Variants in TMTC1 observed in about 807,000 individuals in gnomAD.
TMTC1 encodes the protein protein O-mannosyl-transferase TMTC1.
TMTC1 carries 73 observed loss-of-function variants against 104.8 expected under a neutral mutation model. That is an observed-to-expected ratio of 0.70 (90% CI 0.58 to 0.85). TMTC1 has a LOEUF of 0.85. TMTC1 is among the 40% of genes least tolerant of loss of function. The pLI, the probability that TMTC1 is intolerant of heterozygous loss-of-function variation, is 0.00. For missense variants in TMTC1, 1,035 were observed against 1,096.1 expected, an observed-to-expected ratio of 0.94 and a Z score of 0.79; for synonymous variants, 434 against 428.7, an observed-to-expected ratio of 1.01 and a Z score of -0.15.
At chr12:29,603,502 A>G (rs1946620682) in intron 7 of TMTC1, among the ~76,000 whole-genome samples, 1 of 152,138 alleles carries the variant, frequency 6.6e-6, no homozygotes, top group African/African-American at 2.4e-5. Flanking sequence ...TGTCTTGTTC[A>G]AGGTCAGTCA....
At chr12:29,757,446 A>G (rs1943241146) in intron 3 of TMTC1, among the ~76,000 whole-genome samples, 1 of 152,200 alleles carries the variant, frequency 6.6e-6, no homozygotes, top group African/African-American at 2.4e-5. Flanking sequence ...TCCTGCAGGT[A>G]GAGGAGGTAG....
chr12:29,597,661 T>A (rs1243781046), intron 7 of TMTC1, among the ~76,000 whole-genome samples: 3 of 149,654 alleles, frequency 2.0e-5, no homozygotes, highest in Non-Finnish European at 4.4e-5. Context: ...AAGCTTAAAG[T>A]TTAAGAGGAA....
chr12:29,616,952 C>T (rs1946997081), intron 6 of TMTC1, among the ~76,000 whole-genome samples: 1 of 152,066 alleles, frequency 6.6e-6, no homozygotes, highest in African/African-American at 2.4e-5. Context: ...CCTGGGTCGT[C>T]TTATAACTTT....
At chr12:29,639,862 C>A (rs565285714) in intron 5 of TMTC1, among the ~76,000 whole-genome samples, 4 of 152,164 alleles carry the variant, frequency 2.6e-5, no homozygotes, top group African/African-American at 9.6e-5. Context: ...ACAGAAGACA[C>A]AAAAGAAAAG....
intron 2 of TMTC1, among the ~76,000 whole-genome samples, chr12:29,766,354 A>C (rs1206083558): frequency 6.6e-6 from 1 of 152,210 alleles, no homozygotes. Context: ...GTGTCCATTC[A>C]AATAAACATA....
intron 6 of TMTC1, among the ~76,000 whole-genome samples, chr12:29,612,695 A>G (rs1036880174): frequency 7.9e-5 from 12 of 152,172 alleles, no homozygotes; most frequent in Non-Finnish European, 1.8e-4. Flanking sequence ...GATTACAGGC[A>G]TGAGCCACTG....
chr12:29,642,438 C>T (rs1938894475), intron 5 of TMTC1, among the ~76,000 whole-genome samples: 1 of 152,144 alleles, frequency 6.6e-6, no homozygotes, highest in African/African-American at 2.4e-5. Context: ...GCCTTATCTT[C>T]AGCCTCCTCA....
chr12:29,538,239 G>A (rs1944698896), intron 10 of TMTC1, among the ~76,000 whole-genome samples: 1 of 152,174 alleles, frequency 6.6e-6, no homozygotes, highest in Admixed American at 6.5e-5. Context: ...AAGACTCCAT[G>A]ACTTCCATAC....
chr12:29,716,856 A>G (rs1031698437), intron 5 of TMTC1, among the ~76,000 whole-genome samples: 1 of 152,134 alleles, frequency 6.6e-6, no homozygotes, highest in Non-Finnish European at 1.5e-5. Flanking sequence ...TCTACTAAAA[A>G]TACAAAAACT....
chr12:29,728,427 G>C (rs1942458733), intron 5 of TMTC1, among the ~76,000 whole-genome samples: 1 of 152,136 alleles, frequency 6.6e-6, no homozygotes, highest in African/African-American at 2.4e-5. Context: ...CCACATGTGG[G>C]AAGCCAGGGA....
intron 9 of TMTC1, among the ~76,000 whole-genome samples, chr12:29,567,395 G>A (rs10400544): frequency 0.61 from 92,026 of 151,554 alleles, 28,718 homozygotes; most frequent in South Asian, 0.69. Flanking sequence ...ACTTAAATTC[G>A]TTTTTTTTTT....
intron 10 of TMTC1, among the ~76,000 whole-genome samples, chr12:29,539,891 C>CTGG (rs1245039667): frequency 6.6e-6 from 1 of 152,196 alleles, no homozygotes; most frequent in Non-Finnish European, 1.5e-5. Flanking sequence ...GCCTCTCAGC[C>CTGG]TGGTGTTCTT....
At chr12:29,558,364 T>C (rs1371557793) in intron 9 of TMTC1, among the ~76,000 whole-genome samples, 1 of 152,146 alleles carries the variant, frequency 6.6e-6, no homozygotes, top group Non-Finnish European at 1.5e-5. Context: ...TCTAAGAAGA[T>C]CAGTTTAATT....
chr12:29,601,213 G>A (rs1464628305), intron 7 of TMTC1, among the ~76,000 whole-genome samples: 1 of 152,196 alleles, frequency 6.6e-6, no homozygotes, highest in East Asian at 1.9e-4. Flanking sequence ...ATGATTCTGG[G>A]GGTTGGAGGA....
At chr12:29,730,597 C>T (rs1054982491) in intron 5 of TMTC1, among the ~76,000 whole-genome samples, 1 of 152,192 alleles carries the variant, frequency 6.6e-6, no homozygotes, top group African/African-American at 2.4e-5. Flanking sequence ...AGAAGGATCA[C>T]CGGATGACAG....
chr12:29,639,417 C>T (rs1305537017), intron 5 of TMTC1, among the ~76,000 whole-genome samples: 1 of 152,030 alleles, frequency 6.6e-6, no homozygotes, highest in African/African-American at 2.4e-5. Flanking sequence ...GTTATGAGTA[C>T]AGGATTAGAC....
intron 5 of TMTC1, among the ~76,000 whole-genome samples, chr12:29,695,563 C>T (rs1350154483): frequency 1.5e-4 from 23 of 151,540 alleles, no homozygotes; most frequent in Admixed American, 1.5e-3. Flanking sequence ...CCTCAGCCTC[C>T]CAAAGTGCTG....
intron 5 of TMTC1, among the ~76,000 whole-genome samples, chr12:29,700,685 T>A (rs542089617): frequency 6.6e-6 from 1 of 152,328 alleles, no homozygotes; most frequent in South Asian, 2.1e-4. Context: ...CAAAAAGTGC[T>A]CACTAAATTA....
intron 5 of TMTC1, among the ~76,000 whole-genome samples, chr12:29,645,546 T>C (rs1939229581): frequency 6.6e-6 from 1 of 152,152 alleles, no homozygotes. Context: ...GCAGGGAAAA[T>C]GGAGTTCAAC....
Sources: allele counts gnomAD v4.1 joint callset (sites outside exome capture counted in the v4.1 genomes callset), GRCh38; gene constraint gnomAD v4.1.1; transcripts MANE v1.5; gene names NCBI Gene and HGNC (gene_info 2026-07-23, HGNC 2026-07-21).